The following PTPRE variants were observed in gnomAD, a reference collection of about 807,000 sequenced individuals.
PTPRE encodes receptor-type tyrosine-protein phosphatase epsilon.
In PTPRE, 51 loss-of-function variants were observed where a neutral mutation model predicts 102.0. That is an observed-to-expected ratio of 0.50 (90% CI 0.40 to 0.63). The LOEUF is 0.63. Ranked by LOEUF, PTPRE falls within the 30% of genes least tolerant of loss-of-function variation. PTPRE has a pLI of 0.00. For missense variants in PTPRE, 752 were observed against 915.1 expected, an observed-to-expected ratio of 0.82 and a Z score of 2.30; for synonymous variants, 345 against 348.2, an observed-to-expected ratio of 0.99 and a Z score of 0.10.
intron 6 of PTPRE, among the ~76,000 whole-genome samples, chr10:128,051,661 C>T (rs1327457662): frequency 6.6e-6 from 1 of 152,340 alleles, no homozygotes; most frequent in East Asian, 1.9e-4. Context: ...TGGGGGCACC[C>T]CATTAAATTT....
intron 2 of PTPRE, among the ~76,000 whole-genome samples, chr10:128,000,410 T>C (rs1453870936): frequency 6.6e-6 from 1 of 152,240 alleles, no homozygotes. Flanking sequence ...TAACCAATGA[T>C]TTGAAATGTC....
chr10:127,941,833 T>C (rs954471286), intron 1 of PTPRE, among the ~76,000 whole-genome samples: 15 of 151,956 alleles, frequency 9.9e-5, no homozygotes, highest in African/African-American at 3.6e-4. Context: ...CCTTGGTTTG[T>C]GGCCACAAAC....
chr10:128,068,106 C>T lies in PTPRE; in HGVS notation c.844-17C>T. 5 of 1,606,460 alleles carry T rather than the reference C, an allele frequency of 3.1e-6. No homozygotes were observed. The highest frequency in any genetic ancestry group is 1.1e-5 in the South Asian group (1 of 90,384). On this transcript the variant is annotated splice_polypyrimidine_tract_variant and intron_variant, in intron 11 of 20. Transcript: ENST00000254667. The stretch of plus-strand genomic sequence containing the variant: ...AGGATTGTTTCACCCACTCTTGTCT[C>T]CCCGCGTCCCCCGCAGCAGCTCCCC...
intron 1 of PTPRE, among the ~76,000 whole-genome samples, chr10:127,955,886 G>A (rs937932867): frequency 1.3e-5 from 2 of 152,026 alleles, no homozygotes; most frequent in African/African-American, 2.4e-5. Context: ...AGAGAGAAGG[G>A]GAAAGTGTCA....
chr10:128,063,365 G>T (rs1473577381), intron 10 of PTPRE, among the ~76,000 whole-genome samples, 185 bp downstream of exon 10: 2 of 152,196 alleles, frequency 1.3e-5, no homozygotes, highest in East Asian at 3.9e-4. Context: ...TGTGTCCCCA[G>T]CATCTCACTG....
intron 1 of PTPRE, among the ~76,000 whole-genome samples, chr10:127,921,586 G>A (rs1396497375): frequency 1.3e-5 from 2 of 152,156 alleles, no homozygotes; most frequent in African/African-American, 4.8e-5. Flanking sequence ...GACGTCTATA[G>A]GGACTGGGCT....
chr10:128,063,174 G>C lies in PTPRE; in HGVS notation c.717G>C (p.Arg239Ser). Residue 239 changes from arginine (R) to serine (S), a missense_variant, in exon 10 of 21, where the codon AGG (arginine) becomes AGC (serine). Transcript: ENST00000254667. ...TCATGTTAACAAACTTGAAAGAAAG[G>C]AAAGAGGTGAGTTCCAGGCATCTGG... The part of the protein sequence containing the change: ...TIVMLTNLKE[R>S]KEEKCHQYWP... 1.9e-6 allele frequency: 3 copies of C among 1,614,152 alleles called. No homozygotes were observed. Among genetic ancestry groups the C allele is most frequent in the Non-Finnish European group, 2.5e-6 (3 of 1,180,024 alleles).
At position 128,083,577 on chromosome 10, in the gene PTPRE, G is replaced by A. The variant is rs1214326020; in HGVS notation, c.*671G>A. ...CTATCTTGGCTGAACGAGAAGAGAT[G>A]TAAATGCTGGGTGGTCCCGTTGACC... On this transcript the variant is annotated 3_prime_UTR_variant, in exon 21 of 21. Coordinates refer to ENST00000254667, the MANE Select transcript of PTPRE (RefSeq NM_006504.6). 2 of 152,156 alleles carry A rather than the reference G, an allele frequency of 1.3e-5. No individual in the cohort carries two copies. Among genetic ancestry groups the A allele is most frequent in the Non-Finnish European group, 2.9e-5 (2 of 68,028 alleles). 9.4% of individuals were successfully genotyped at this position (152,156 alleles called of 1,614,324 possible).
intron 6 of PTPRE, among the ~76,000 whole-genome samples, chr10:128,051,007 T>C (rs1221268489): frequency 6.6e-6 from 1 of 152,238 alleles, no homozygotes; most frequent in East Asian, 1.9e-4. Flanking sequence ...GTCCCCTTTT[T>C]TGGAGAAATT....
intron 2 of PTPRE, among the ~76,000 whole-genome samples, chr10:127,993,460 G>C (rs1004673969): frequency 3.9e-5 from 6 of 152,170 alleles, no homozygotes; most frequent in East Asian, 1.9e-4. Flanking sequence ...AGACGGGGAT[G>C]GGGGGCCAGG....
intron 2 of PTPRE, among the ~76,000 whole-genome samples, chr10:127,993,789 G>A (rs1366769918): frequency 2.0e-5 from 3 of 151,856 alleles, no homozygotes; most frequent in South Asian, 2.1e-4. Flanking sequence ...GTGTGTGTGC[G>A]TGTGTGTGTG....
intron 1 of PTPRE, among the ~76,000 whole-genome samples, chr10:127,910,465 C>T (rs1015846203): frequency 2.6e-5 from 4 of 152,218 alleles, no homozygotes; most frequent in African/African-American, 7.2e-5. Flanking sequence ...CTGGACTTGA[C>T]TTTGATTTCC....
At position 128,068,185 on chromosome 10, in the gene PTPRE, C is replaced by T. The variant is rs7100666; in HGVS notation, c.906C>T (p.Pro302=). The part of the protein sequence containing the change: ...LVSQLHFTSW[P]DFGVPFTPIG... The stretch of plus-strand genomic sequence containing the variant: ...CACAGCTGCACTTCACCAGCTGGCC[C>T]GACTTCGGAGTGCCTTTTACCCCCA... The change falls in exon 12 of 21, where the codon CCC becomes CCT. Residue 302 remains proline (P), a synonymous_variant. Transcript: ENST00000254667. 6.8e-6 allele frequency: 11 copies of T among 1,613,958 alleles called. No homozygotes were observed. In the Middle Eastern group the frequency reaches 4.9e-4, roughly 72 times the overall value.
chr10:128,076,862 AT>A (rs1374757215), intron 18 of PTPRE, 134 bp downstream of exon 18: 2 of 1,266,908 alleles, frequency 1.6e-6, no homozygotes, highest in African/African-American at 1.5e-5. Flanking sequence ...TTGGCTATGA[AT>A]GGCCAATGGG....
chr10:128,069,694 C>T lies in PTPRE; in HGVS notation c.1010C>T (p.Ala337Val), dbSNP rs1189797191. Reference protein sequence around the residue: ...HAGPIVVHCSAGVGRTGTFIV... With the variant: ...HAGPIVVHCSVGVGRTGTFIV... The stretch of plus-strand genomic sequence containing the variant: ...AGCATCTTTCTCTTTCCCCAAAGCG[C>T]GGGCGTGGGCCGGACGGGCACCTTC... Residue 337 changes from alanine to valine, a missense_variant and splice_region_variant, in exon 13 of 21, where the codon GCG (alanine) becomes GTG (valine). Ala to Val is a moderately conservative substitution (Grantham distance 64, BLOSUM62 0). Transcript: ENST00000254667. 15 of 1,614,060 alleles carry T rather than the reference C, an allele frequency of 9.3e-6. No individual in the cohort carries two copies. Among genetic ancestry groups the T allele is most frequent in the Non-Finnish European group, 1.2e-5 (14 of 1,180,016 alleles).
intron 1 of PTPRE, among the ~76,000 whole-genome samples, chr10:127,938,898 G>T (rs371805867): frequency 3.3e-5 from 5 of 152,096 alleles, no homozygotes; most frequent in African/African-American, 1.2e-4. Context: ...GGCGCTCTGC[G>T]TTGGAATCAG....
At chr10:128,041,642 G>A (rs577691082) in intron 3 of PTPRE, among the ~76,000 whole-genome samples, 5 of 51,980 alleles carry the variant, frequency 9.6e-5, no homozygotes, top group South Asian at 9.6e-4. Context: ...CAGAGACTAC[G>A]TCTCAAAAAA....
At chr10:128,045,956 G>A (rs913151805) in intron 3 of PTPRE, among the ~76,000 whole-genome samples, 2 of 152,232 alleles carry the variant, frequency 1.3e-5, no homozygotes, top group African/African-American at 4.8e-5. Context: ...ACCCCACCTG[G>A]AAGGTGGGCA....
chr10:128,051,746 A>T (rs1848581511), intron 6 of PTPRE, among the ~76,000 whole-genome samples: 1 of 152,260 alleles, frequency 6.6e-6, no homozygotes, highest in African/African-American at 2.4e-5. Flanking sequence ...CCTTGTGCTC[A>T]GTGACAGGCA....
Sources: allele counts gnomAD v4.1 joint callset (sites outside exome capture counted in the v4.1 genomes callset), GRCh38; gene constraint gnomAD v4.1.1; transcripts MANE v1.5; gene names NCBI Gene and HGNC (gene_info 2026-07-23, HGNC 2026-07-21).